Variants in PAK1 observed in about 807,000 individuals in gnomAD.
PAK1 encodes p21 (RAC1) activated kinase 1, also known as serine/threonine-protein kinase PAK 1.
In PAK1, 29 loss-of-function variants were observed where a neutral mutation model predicts 67.4. The ratio of observed to expected loss-of-function variants is 0.43; its 90% CI spans 0.32 to 0.59. The LOEUF (loss-of-function observed/expected upper bound fraction) is 0.59. PAK1 is among the 20% of genes least tolerant of loss of function. The probability of loss-of-function intolerance (pLI) is 0.07; values close to 1 mark genes in which losing one functional copy is unlikely to be tolerated. For synonymous variants in PAK1, 223 were observed against 237.4 expected (o/e 0.94, Z 0.56); for missense variants, 337 against 670.7 (o/e 0.50, Z 5.50).
chr11:77,429,292 G>A (rs916115058), intron 1 of PAK1, among the ~76,000 whole-genome samples: 1 of 152,018 alleles, frequency 6.6e-6, no homozygotes, highest in Non-Finnish European at 1.5e-5. Flanking sequence ...AATGATGCTA[G>A]CAATAGATTA....
the PAK1 span, among the ~76,000 whole-genome samples, chr11:77,493,272 G>GTTT: frequency 2.7e-4 from 25 of 92,668 alleles, no homozygotes; most frequent in East Asian, 3.4e-3. Flanking sequence ...TCATTTTTTT[G>GTTT]TTGTTTTTTT....
chr11:77,392,213 A>T, intron 2 of PAK1, 118 bp downstream of exon 2: 1 of 730,350 alleles, frequency 1.4e-6, no homozygotes, highest in Non-Finnish European at 2.1e-6. Flanking sequence ...GGAAATATTT[A>T]ACCAGAAAGA....
chr11:77,529,717 A>C, the PAK1 span, among the ~76,000 whole-genome samples: 1 of 152,352 alleles, frequency 6.6e-6, no homozygotes, highest in South Asian at 2.1e-4. Context: ...GAAGATGTTT[A>C]GCAGAGTTTT....
intron 1 of PAK1, among the ~76,000 whole-genome samples, chr11:77,420,271 C>G (rs905539874): frequency 6.6e-6 from 1 of 152,174 alleles, no homozygotes. Context: ...ATAACTTGGT[C>G]CTTCTTGGAA....
chr11:77,502,079 G>C, the PAK1 span, among the ~76,000 whole-genome samples: 4 of 135,396 alleles, frequency 3.0e-5, no homozygotes, highest in Non-Finnish European at 5.2e-5. Context: ...CAAAGATTAA[G>C]ATGACCTTTT....
At chr11:77,529,718 G>A in the PAK1 span, among the ~76,000 whole-genome samples, 1 of 152,176 alleles carries the variant, frequency 6.6e-6, no homozygotes, top group Non-Finnish European at 1.5e-5. Context: ...AAGATGTTTA[G>A]CAGAGTTTTG....
chr11:77,416,570 TAGG>T (rs1954964951), intron 1 of PAK1, among the ~76,000 whole-genome samples: 1 of 152,174 alleles, frequency 6.6e-6, no homozygotes, highest in African/African-American at 2.4e-5. Context: ...TTTTTATAAG[TAGG>T]AGTACACTCT....
At chr11:77,372,642 T>A (rs1948592627) in intron 5 of PAK1, among the ~76,000 whole-genome samples, 1 of 152,168 alleles carries the variant, frequency 6.6e-6, no homozygotes, top group African/African-American at 2.4e-5. Context: ...ACCTTTAAGA[T>A]AAGTCAAACT....
At chr11:77,384,951 AAAG>A (rs1269779792) in intron 2 of PAK1, among the ~76,000 whole-genome samples, 1 of 152,218 alleles carries the variant, frequency 6.6e-6, no homozygotes, top group Admixed American at 6.5e-5. Context: ...TTAAGAAAAT[AAAG>A]AAGAAAATAT....
intron 2 of PAK1, among the ~76,000 whole-genome samples, chr11:77,383,076 G>C (rs776841482): frequency 9.2e-5 from 14 of 152,294 alleles, no homozygotes; most frequent in African/African-American, 3.1e-4. Flanking sequence ...GCCCAGGGAT[G>C]TAAGTTGACT....
the PAK1 span, among the ~76,000 whole-genome samples, chr11:77,510,154 T>C: frequency 6.6e-6 from 1 of 152,226 alleles, no homozygotes; most frequent in Non-Finnish European, 1.5e-5. Flanking sequence ...GGAGACATAT[T>C]TTCACCAGTA....
chr11:77,521,096 G>A, the PAK1 span, among the ~76,000 whole-genome samples: 1 of 152,178 alleles, frequency 6.6e-6, no homozygotes, highest in African/African-American at 2.4e-5. Flanking sequence ...ACCTTTATGG[G>A]AAGCTTGGCT....
chr11:77,393,778 G>T (rs1057107959), intron 1 of PAK1, among the ~76,000 whole-genome samples: 1 of 152,124 alleles, frequency 6.6e-6, no homozygotes, highest in Non-Finnish European at 1.5e-5. Flanking sequence ...AAAGGCAGGC[G>T]GATCACTTGA....
At chr11:77,365,474 T>C (rs893095994) in intron 5 of PAK1, among the ~76,000 whole-genome samples, 1 of 150,296 alleles carries the variant, frequency 6.7e-6, no homozygotes, top group African/African-American at 2.4e-5. Context: ...CTTCCTAAAT[T>C]TGATAAAAAC....
intron 5 of PAK1, among the ~76,000 whole-genome samples, chr11:77,362,264 T>C (rs1946893854): frequency 6.6e-6 from 1 of 152,206 alleles, no homozygotes; most frequent in Non-Finnish European, 1.5e-5. Flanking sequence ...TTGTAACTAC[T>C]TTGTAAGTTC....
At chr11:77,403,428 T>A (rs1400701420) in intron 1 of PAK1, among the ~76,000 whole-genome samples, 1 of 152,184 alleles carries the variant, frequency 6.6e-6, no homozygotes, top group Non-Finnish European at 1.5e-5. Context: ...CCCAGGACCT[T>A]ATCACCAAAA....
upstream of PAK1, chr11:77,474,341 C>A (rs759237558): frequency 1.3e-5 from 2 of 152,086 alleles, no homozygotes; most frequent in African/African-American, 4.8e-5. Context: ...TGAGGGCGAA[C>A]GCCTGGGATT....
intron 14 of PAK1, chr11:77,325,447 C>A (rs1939573054): frequency 2.7e-6 from 4 of 1,485,560 alleles, no homozygotes; most frequent in Non-Finnish European, 3.7e-6. Context: ...GTGCTTAGTG[C>A]CTAAATATAT....
intron 1 of PAK1, among the ~76,000 whole-genome samples, chr11:77,446,465 T>C (rs778273470): frequency 7.5e-6 from 1 of 134,074 alleles, no homozygotes; most frequent in Non-Finnish European, 1.5e-5. Context: ...TGAGCCAAGA[T>C]CATGCCACTA....
Sources: allele counts gnomAD v4.1 joint callset (sites outside exome capture counted in the v4.1 genomes callset), GRCh38; gene constraint gnomAD v4.1.1; transcripts MANE v1.5; gene names NCBI Gene and HGNC (gene_info 2026-07-23, HGNC 2026-07-21).